Variants in PEAK1 observed in about 807,000 individuals in gnomAD.
PEAK1 encodes inactive tyrosine-protein kinase PEAK1.
PEAK1 carries 54 observed loss-of-function variants against 124.7 expected under a neutral mutation model. The ratio of observed to expected loss-of-function variants is 0.43; its 90% CI spans 0.35 to 0.54. PEAK1 has a LOEUF of 0.54. Ranked by LOEUF, PEAK1 falls within the 20% of genes least tolerant of loss-of-function variation. PEAK1 has a pLI of 0.01. For synonymous variants in PEAK1, 719 were observed against 760.0 expected (o/e 0.95, Z 0.89); for missense variants, 2,046 against 2,134.5 (o/e 0.96, Z 0.82).
At chr15:77,286,322 T>A in intron 3 of PEAK1, 101 bp downstream of exon 3, 1 of 605,542 alleles carries the variant, frequency 1.7e-6, no homozygotes, top group Non-Finnish European at 2.4e-6. Context: ...TATGGCAAGG[T>A]TTAAAATTAT....
intron 2 of PEAK1, among the ~76,000 whole-genome samples, chr15:77,343,299 A>T (rs553524567): frequency 9.9e-5 from 15 of 152,130 alleles, no homozygotes; most frequent in Admixed American, 5.2e-4. Context: ...TCATTTTTTA[A>T]TTGAATTGTT....
At chr15:77,203,243 C>T (rs184829460) in intron 6 of PEAK1, among the ~76,000 whole-genome samples, 13 of 151,750 alleles carry the variant, frequency 8.6e-5, no homozygotes, top group Non-Finnish European at 1.2e-4. Context: ...CAGGCACTCA[C>T]AGCATAACTT....
chr15:77,382,602 A>T (rs1263484463), intron 1 of PEAK1, among the ~76,000 whole-genome samples: 1 of 152,170 alleles, frequency 6.6e-6, no homozygotes, highest in East Asian at 1.9e-4. Context: ...GGTACTGTCA[A>T]TTCCAAAACT....
At chr15:77,119,232 T>C (rs2051685677) in intron 9 of PEAK1, among the ~76,000 whole-genome samples, 1 of 152,146 alleles carries the variant, frequency 6.6e-6, no homozygotes, top group Non-Finnish European at 1.5e-5. Flanking sequence ...TCACAGGAAA[T>C]GCCCGCTTGA....
chr15:77,238,063 C>T (rs1474574191), intron 6 of PEAK1, among the ~76,000 whole-genome samples: 1 of 152,100 alleles, frequency 6.6e-6, no homozygotes, highest in East Asian at 1.9e-4. Flanking sequence ...CTATATGCTG[C>T]CTTTACTGAA....
chr15:77,377,278 G>A (rs1240563233), intron 1 of PEAK1, among the ~76,000 whole-genome samples: 2 of 152,106 alleles, frequency 1.3e-5, no homozygotes, highest in Non-Finnish European at 2.9e-5. Context: ...CAGCTGCTCA[G>A]GAGGCTGAGG....
intron 5 of PEAK1, among the ~76,000 whole-genome samples, chr15:77,261,900 C>A (rs2152939745): frequency 6.6e-6 from 1 of 152,224 alleles, no homozygotes; most frequent in African/African-American, 2.4e-5. Flanking sequence ...ATCAGACTAA[C>A]AGCTGATCTC....
At chr15:77,132,874 G>A in intron 9 of PEAK1, 131 bp downstream of exon 9, 1 of 831,456 alleles carries the variant, frequency 1.2e-6, no homozygotes, top group Non-Finnish European at 1.9e-6. Flanking sequence ...TCTAGTATCT[G>A]GTAAGAGGTA....
At chr15:77,259,994 G>A (rs972177850) in intron 5 of PEAK1, among the ~76,000 whole-genome samples, 2 of 152,164 alleles carry the variant, frequency 1.3e-5, no homozygotes, top group Admixed American at 6.5e-5. Context: ...GTTACATTAA[G>A]AAGGGTAAAA....
intron 6 of PEAK1, among the ~76,000 whole-genome samples, chr15:77,194,505 T>A (rs2058012346): frequency 6.6e-6 from 1 of 152,198 alleles, no homozygotes; most frequent in Admixed American, 6.5e-5. Context: ...CCTATAGATC[T>A]TTTGATCCTC....
At chr15:77,324,275 C>G (rs1193752125) in intron 2 of PEAK1, among the ~76,000 whole-genome samples, 1 of 152,038 alleles carries the variant, frequency 6.6e-6, no homozygotes, top group African/African-American at 2.4e-5. Context: ...GCCAGGAGTT[C>G]CGAGACCAGC....
At chr15:77,420,898 C>G (rs2073304993), upstream of PEAK1, 4 of 398,776 alleles carry the variant, frequency 1.0e-5, no homozygotes, top group Non-Finnish European at 1.8e-5. Flanking sequence ...AGCTGTGAGA[C>G]GACGAGTGCG....
chr15:77,152,273 G>A (rs1487810712), intron 8 of PEAK1, among the ~76,000 whole-genome samples: 2 of 152,136 alleles, frequency 1.3e-5, no homozygotes, highest in East Asian at 1.9e-4. Context: ...GTTCACGCAT[G>A]ATTTGGCTCT....
intron 6 of PEAK1, among the ~76,000 whole-genome samples, chr15:77,201,623 T>G (rs770707485): frequency 6.6e-6 from 1 of 152,072 alleles, no homozygotes; most frequent in Non-Finnish European, 1.5e-5. Flanking sequence ...AAGATTTACC[T>G]CATAAAAAAA....
intron 2 of PEAK1, chr15:77,332,325 T>G (rs1477542719): frequency 2.2e-5 from 21 of 975,618 alleles, no homozygotes; most frequent in Non-Finnish European, 2.3e-5. Context: ...TTTGGCCGGG[T>G]GCGGTGGCTC....
chr15:77,296,796 A>G (rs777803818), intron 2 of PEAK1, among the ~76,000 whole-genome samples: 1 of 151,678 alleles, frequency 6.6e-6, no homozygotes, highest in Non-Finnish European at 1.5e-5. Flanking sequence ...AGAGGCCCAT[A>G]TTTTTCTTTT....
At chr15:77,303,583 T>C (rs971526226) in intron 2 of PEAK1, among the ~76,000 whole-genome samples, 2 of 152,238 alleles carry the variant, frequency 1.3e-5, no homozygotes, top group Non-Finnish European at 2.9e-5. Context: ...CTTCTGCCCA[T>C]TTTTAAATTG....
At chr15:77,234,317 T>C (rs1447291102) in intron 6 of PEAK1, among the ~76,000 whole-genome samples, 1 of 152,244 alleles carries the variant, frequency 6.6e-6, no homozygotes, top group Non-Finnish European at 1.5e-5. Flanking sequence ...TTATCTATTT[T>C]ATTTATCTTT....
chr15:77,405,636 G>C (rs1254106247), intron 1 of PEAK1, among the ~76,000 whole-genome samples: 1 of 152,102 alleles, frequency 6.6e-6, no homozygotes, highest in Non-Finnish European at 1.5e-5. Flanking sequence ...TCCAGACGCT[G>C]AAGGCCCATA....
Sources: gnomAD v4.1 joint callset for allele counts (sites outside exome capture counted in the v4.1 genomes callset) on GRCh38, gnomAD v4.1.1 for gene constraint, MANE v1.5 for transcripts, NCBI Gene and HGNC (gene_info 2026-07-23, HGNC 2026-07-21) for gene names.